Variants in SMCHD1 observed in about 807,000 individuals in gnomAD.
SMCHD1 encodes the protein structural maintenance of chromosomes flexible hinge domain containing 1, also known as structural maintenance of chromosomes flexible hinge domain-containing protein 1.
SMCHD1 carries 78 observed loss-of-function variants against 254.7 expected under a neutral mutation model. That is an observed-to-expected ratio of 0.31 (90% CI 0.26 to 0.37). The LOEUF (loss-of-function observed/expected upper bound fraction) is 0.37. SMCHD1 is among the 10% of genes least tolerant of loss of function. The probability of loss-of-function intolerance (pLI) is 1.00; values close to 1 mark genes in which losing one functional copy is unlikely to be tolerated. For synonymous variants in SMCHD1, 766 were observed against 794.9 expected, an observed-to-expected ratio of 0.96 and a Z score of 0.61; for missense variants, 1,840 against 2,408.1, an observed-to-expected ratio of 0.76 and a Z score of 4.94.
intron 17 of SMCHD1, among the ~76,000 whole-genome samples, chr18:2,714,594 G>T: frequency 6.6e-6 from 1 of 151,558 alleles, no homozygotes; most frequent in Non-Finnish European, 1.5e-5. Context: ...CTGTTGTGCT[G>T]CTATTTGATT....
Position 2,802,853 on chromosome 18 carries a change from C to A in SMCHD1, c.*301C>A. 3.4e-6 allele frequency: 1 copy of A among 298,348 alleles called. No individual in the cohort carries two copies. The highest frequency in any genetic ancestry group is 5.5e-5 in the East Asian group (1 of 18,044). 18.5% of individuals were successfully genotyped at this position (298,348 alleles called of 1,614,324 possible). Reference sequence around the variant, plus strand: ...AATGTGGCAGTGACTGTAAAACTGGCACATGGCATTTATTAATCCTGAAGA... The same window carrying A: ...AATGTGGCAGTGACTGTAAAACTGGAACATGGCATTTATTAATCCTGAAGA... On this transcript the variant is annotated 3_prime_UTR_variant, in exon 48 of 48. Coordinates refer to ENST00000320876, the MANE Select transcript of SMCHD1 (RefSeq NM_015295.3).
intron 29 of SMCHD1, among the ~76,000 whole-genome samples, chr18:2,745,811 ATAAAC>A (rs1238896737): frequency 2.0e-5 from 3 of 152,216 alleles, no homozygotes; most frequent in Admixed American, 2.0e-4. Flanking sequence ...AAAATAAAAC[ATAAAC>A]TAATATATCA....
At chr18:2,761,323 A>G (rs1339649350) in intron 35 of SMCHD1, among the ~76,000 whole-genome samples, 1 of 152,196 alleles carries the variant, frequency 6.6e-6, no homozygotes, top group African/African-American at 2.4e-5. Flanking sequence ...TGTGTTTGCT[A>G]CTTGGGTGAC....
At position 2,666,216 on chromosome 18, in the gene SMCHD1, TA is replaced by T; in HGVS notation, c.247del (p.Thr83ProfsTer26). On this transcript the variant is annotated frameshift_variant, in exon 2 of 48. Transcript: ENST00000320876. LOFTEE classifies it high-confidence loss of function. ...TTACAACAACAAGTAGGAAAGAAAT[TA>T]CCTGTGATAATTTTGGTAGGTAAAC... ...VITTTSRKEI[T>X]CDNFDETVKD... 1 of 1,536,990 alleles carries T rather than the reference TA, an allele frequency of 6.5e-7. No individual in the cohort carries two copies. The highest frequency in any genetic ancestry group is 1.7e-5 in the Admixed American group (1 of 57,412).
rs2073492195 is a variant in SMCHD1, at chr18:2,668,244, T to G, written c.424+1213T>G. ...ATTGTGTTATGGTTACAAATGACTC[T>G]GAATGTTCTTGTGACTAAATCTGTG... On this transcript the variant is annotated intron_variant, in intron 3 of 47. Transcript: ENST00000320876. Among the ~76,000 whole-genome samples, 5 of 152,214 alleles carry G rather than the reference T, an allele frequency of 3.3e-5. No individual in the cohort carries two copies. In the South Asian group the frequency reaches 1.0e-3, roughly 32 times the overall value.
intron 40 of SMCHD1, among the ~76,000 whole-genome samples, chr18:2,772,016 GA>G (rs774344907): frequency 3.3e-5 from 5 of 152,180 alleles, no homozygotes; most frequent in South Asian, 2.1e-4. Flanking sequence ...TCTTGGCTAA[GA>G]TTTTTTTAAA....
intron 1 of SMCHD1, among the ~76,000 whole-genome samples, chr18:2,661,290 A>G (rs962386472): frequency 3.2e-4 from 49 of 152,120 alleles, no homozygotes; most frequent in African/African-American, 1.2e-3. Flanking sequence ...GCACATGTAT[A>G]TCTATGTAAC....
Position 2,656,252 on chromosome 18 carries a change from T to C in SMCHD1, c.177T>C (p.Cys59=), listed in dbSNP as rs1175386472. The part of the protein sequence containing the change: ...ERSDYAGFRA[C]VCQTLGISPE... ...CGGACTACGCGGGATTTCGCGCGTGTGTGTGTCAGGTACGCGAAGGGGCGA... is the reference window on the plus strand; with the variant it reads ...CGGACTACGCGGGATTTCGCGCGTGCGTGTGTCAGGTACGCGAAGGGGCGA... The change falls in exon 1 of 48, where the codon TGT becomes TGC. Residue 59 remains cysteine (C), a synonymous_variant. Transcript: ENST00000320876. The C allele has an allele frequency of 1.3e-6, 2 of 1,496,164 alleles. No individual in the cohort carries two copies. The highest frequency in any genetic ancestry group is 1.3e-5 in the South Asian group (1 of 74,828). 92.7% of individuals were successfully genotyped at this position (1,496,164 alleles called of 1,614,324 possible).
At chr18:2,667,994 C>G (rs890941955) in intron 3 of SMCHD1, among the ~76,000 whole-genome samples, 15 of 152,138 alleles carry the variant, frequency 9.9e-5, no homozygotes, top group African/African-American at 3.6e-4. Context: ...ATTCTCCTGC[C>G]TCTGCCTCCC....
intron 1 of SMCHD1, among the ~76,000 whole-genome samples, chr18:2,661,103 T>C (rs1054405054): frequency 1.3e-5 from 2 of 152,178 alleles, no homozygotes; most frequent in Non-Finnish European, 2.9e-5. Flanking sequence ...CTGCATGTTC[T>C]CACTCATAAG....
chr18:2,774,694 G>A (rs999294924), intron 41 of SMCHD1, among the ~76,000 whole-genome samples: 1 of 151,946 alleles, frequency 6.6e-6, no homozygotes, highest in Non-Finnish European at 1.5e-5. Context: ...TACAGTCTTG[G>A]GTCACCATGT....
At chr18:2,722,493 T>C in intron 19 of SMCHD1, 26 bp from the exon 20 acceptor site, 1 of 1,600,468 alleles carries the variant, frequency 6.2e-7, no homozygotes, top group East Asian at 2.2e-5. Context: ...TACTTGCTTT[T>C]CATTTCATTT....
intron 17 of SMCHD1, among the ~76,000 whole-genome samples, chr18:2,717,062 C>T (rs2074816397): frequency 6.6e-6 from 1 of 152,178 alleles, no homozygotes; most frequent in South Asian, 2.1e-4. Flanking sequence ...ACTCTCCATA[C>T]CAGTGAGTGC....
At chr18:2,700,982 CACT>C in intron 12 of SMCHD1, 64 bp downstream of exon 12, 1 of 1,211,234 alleles carries the variant, frequency 8.3e-7, no homozygotes, top group Non-Finnish European at 1.1e-6. Context: ...TAAAAGAAGA[CACT>C]AGCAGTGTAG....
Position 2,688,505 on chromosome 18 carries a change from C to T in SMCHD1, c.750C>T (p.Ala250=), listed in dbSNP as rs780379853. 1.2e-6 allele frequency: 2 copies of T among 1,610,368 alleles called. No homozygotes were observed. Among genetic ancestry groups the T allele is most frequent in the South Asian group, 1.1e-5 (1 of 90,940 alleles). ...KQAVFFVGQS[A]RMISKPADSQ... is the part of the protein sequence containing the mutation. ...CTGTCTTCTTTGTTGGACAATCAGC[C>T]AGAGTAAGTAAAAAGATTTCTTATA... The change falls in exon 6 of 48, where the codon GCC becomes GCT. Residue 250 remains alanine (A), a synonymous_variant. Coordinates refer to ENST00000320876, the MANE Select transcript of SMCHD1 (RefSeq NM_015295.3).
intron 34 of SMCHD1, among the ~76,000 whole-genome samples, chr18:2,755,910 C>G (rs896989964): frequency 2.6e-5 from 4 of 152,106 alleles, no homozygotes; most frequent in African/African-American, 9.7e-5. Flanking sequence ...CTTGGATTTA[C>G]AGCAAAATGT....
chr18:2,697,281 T>G, intron 9 of SMCHD1, 159 bp downstream of exon 9: 1 of 465,212 alleles, frequency 2.1e-6, no homozygotes, highest in East Asian at 3.6e-5. Flanking sequence ...CTAAAGAGAT[T>G]ATTCCTAGAT....
At chr18:2,740,098 G>C (rs549282356) in intron 27 of SMCHD1, among the ~76,000 whole-genome samples, 1 of 151,328 alleles carries the variant, frequency 6.6e-6, no homozygotes, top group Non-Finnish European at 1.5e-5. Flanking sequence ...CCGACTCCCC[G>C]ACAGGCCCTG....
intron 10 of SMCHD1, among the ~76,000 whole-genome samples, 168 bp downstream of exon 10, chr18:2,698,209 T>G (rs1172714583): frequency 1.3e-5 from 2 of 152,238 alleles, no homozygotes; most frequent in African/African-American, 4.8e-5. Context: ...AATTCCTGAT[T>G]TTTGTGTACA....
Sources: gnomAD v4.1 joint callset for allele counts (sites outside exome capture counted in the v4.1 genomes callset) on GRCh38, gnomAD v4.1.1 for gene constraint, MANE v1.5 for transcripts, NCBI Gene and HGNC (gene_info 2026-07-23, HGNC 2026-07-21) for gene names.